The following FBXO10 variants were observed in gnomAD, a reference collection of about 807,000 sequenced individuals.
The protein encoded by FBXO10 is F-box protein 10, also known as F-box only protein 10.
FBXO10 carries 39 observed loss-of-function variants against 80.7 expected under a neutral mutation model. That is an observed-to-expected ratio of 0.48 (90% confidence interval 0.37 to 0.63). The LOEUF is 0.63. Ranked by LOEUF, FBXO10 falls within the 30% of genes least tolerant of loss-of-function variation. The probability of loss-of-function intolerance (pLI) is 0.00; values close to 1 mark genes in which losing one functional copy is unlikely to be tolerated. For missense variants in FBXO10, 1,025 were observed against 1,269.0 expected (o/e 0.81, Z 2.92); for synonymous variants, 449 against 489.6 (o/e 0.92, Z 1.09).
At position 37,525,368 on chromosome 9, in the gene FBXO10, C is replaced by G. The variant is rs113085540; in HGVS notation, c.1707-196G>C. ...GGATCACTTGAGCCTCCCTATGGCT[C>G]AAGTCCACAGGGGCATAAAAGCATT... On this transcript the variant is annotated intron_variant, in intron 5 of 10. Transcript: ENST00000432825. Among the ~76,000 whole-genome samples, 21 of 152,148 alleles carry G rather than the reference C, an allele frequency of 1.4e-4. 1 individual carries two copies. Among genetic ancestry groups the G allele is most frequent in the African/African-American group, 4.3e-4 (18 of 41,490 alleles).
At chr9:37,515,714 T>C (rs3739572) in intron 10 of FBXO10, 190 bp downstream of exon 10, 98,064 of 569,770 alleles carry the variant, frequency 0.17, 9,109 homozygotes, top group Admixed American at 0.24. Context: ...TTAAAAAGCT[T>C]GTTCCCTCCT....
Position 37,521,670 on chromosome 9 carries a change from T to G in FBXO10, c.2099A>C (p.Asp700Ala), listed in dbSNP as rs1236521485. The G allele has an allele frequency of 1.2e-6, 2 of 1,613,820 alleles. No individual in the cohort carries two copies. The highest frequency in any genetic ancestry group is 1.7e-6 in the Non-Finnish European group (2 of 1,179,852). The change falls in exon 8 of 11, where the codon GAC (aspartate) becomes GCC (alanine). Residue 700 changes from aspartate (D) to alanine (A), a missense_variant. By Grantham distance (126) the Asp-to-Ala change is moderately radical. This residue lies in a region of FBXO10 where 478 missense variants were observed against 667.8 expected (regional missense o/e 0.72). Coordinates refer to ENST00000432825, the MANE Select transcript of FBXO10 (RefSeq NM_012166.3). ...RAQENFSEDG[D>A]AILWETELEK... is the part of the protein sequence containing the mutation. Reference sequence around the variant, plus strand: ...CAGCTCTGTCTCCCAGAGGATGGCGTCCCCATCCTCGCTGAAGTTCTCTTG... The same window carrying G: ...CAGCTCTGTCTCCCAGAGGATGGCGGCCCCATCCTCGCTGAAGTTCTCTTG...
At chr9:37,539,306 T>G (rs1288057506) in intron 2 of FBXO10, among the ~76,000 whole-genome samples, 1 of 152,254 alleles carries the variant, frequency 6.6e-6, no homozygotes, top group Non-Finnish European at 1.5e-5. Flanking sequence ...GCAGAGCCAC[T>G]GCTAAGGTTC....
intron 1 of FBXO10, among the ~76,000 whole-genome samples, chr9:37,549,631 C>G (rs779769726): frequency 6.6e-6 from 1 of 152,110 alleles, no homozygotes; most frequent in African/African-American, 2.4e-5. Context: ...TCTGCTGGTT[C>G]CCCTCTATCT....
chr9:37,568,557 A>G (rs562376382), intron 1 of FBXO10, among the ~76,000 whole-genome samples: 12 of 152,330 alleles, frequency 7.9e-5, no homozygotes, highest in Admixed American at 5.9e-4. Flanking sequence ...TCTCAGGTAA[A>G]TTATTTACTC....
At chr9:37,555,529 C>T (rs1313437769) in intron 1 of FBXO10, among the ~76,000 whole-genome samples, 4 of 151,544 alleles carry the variant, frequency 2.6e-5, no homozygotes, top group African/African-American at 7.3e-5. Flanking sequence ...TACAGGCGCT[C>T]GCCACCATGC....
Position 37,537,834 on chromosome 9 carries a change from T to C in FBXO10, c.695A>G (p.His232Arg), listed in dbSNP as rs375383268. Residue 232 changes from histidine to arginine, a missense_variant, in exon 3 of 11, where the codon CAT (histidine) becomes CGT (arginine). Transcript: ENST00000432825. ...CAGGGGCACGTTGTGCAGGAAGATA[T>C]GGGTGTTTTTGAAGGTACAGAACTT... ...QVKFCTFKNT[H>R]IFLHNVPLCV... The C allele has an allele frequency of 1.9e-6, 3 of 1,613,766 alleles. No individual in the cohort carries two copies. The highest frequency in any genetic ancestry group is 2.2e-5 in the South Asian group (2 of 91,078).
chr9:37,523,871 C>T (rs1267950161), intron 6 of FBXO10, among the ~76,000 whole-genome samples: 4 of 152,296 alleles, frequency 2.6e-5, no homozygotes, highest in Non-Finnish European at 5.9e-5. Context: ...GAGCCGAGAT[C>T]GCGCCATTGC....
In FBXO10 at chr9:37,537,717, T is replaced by C. The variant is rs1821807394; in HGVS notation, c.812A>G (p.Lys271Arg). 1 of 1,614,016 alleles carries C rather than the reference T, an allele frequency of 6.2e-7. No individual in the cohort carries two copies. The highest frequency in any genetic ancestry group is 1.1e-5 in the South Asian group (1 of 91,080). Residue 271 changes from lysine to arginine, a missense_variant, in exon 3 of 11, where the codon AAG becomes AGG. Lys to Arg is a conservative substitution (Grantham distance 26). Around this residue, in one of 3 missense-constraint regions of FBXO10, gnomAD observed 450 missense variants for 499.4 expected, o/e 0.90. Transcript: ENST00000432825. ...HPSADKNWAY[K>R]YLLGLIKSSP... The stretch of plus-strand genomic sequence containing the variant: ...GGACTTGATAAGCCCTAGTAGATAC[T>C]TGTAGGCCCAGTTCTTATCTGCAGA...
At chr9:37,519,938 T>G (rs1443888212) in intron 8 of FBXO10, among the ~76,000 whole-genome samples, 2 of 152,172 alleles carry the variant, frequency 1.3e-5, no homozygotes, top group Non-Finnish European at 2.9e-5. Context: ...TCCTCCTACT[T>G]CAGCCTCCCT....
At chr9:37,560,578 C>T (rs1822452659) in intron 1 of FBXO10, among the ~76,000 whole-genome samples, 1 of 152,186 alleles carries the variant, frequency 6.6e-6, no homozygotes, top group South Asian at 2.1e-4. Context: ...TATCTTTACA[C>T]TAATCCATGG....
In FBXO10 at chr9:37,552,733, C is replaced by T. The variant is rs936366667; in HGVS notation, c.-6-10959G>A. Among the ~76,000 whole-genome samples, 5 of 149,892 alleles carry T rather than the reference C, an allele frequency of 3.3e-5. No homozygotes were observed. In the East Asian group the frequency reaches 9.8e-4, roughly 29 times the overall value. ...AAAAAGAACAGACATTTATTTTTCA[C>T]AGTTCTGGAGCCTGGGAAGTCCAAG... On this transcript the variant is annotated intron_variant, in intron 1 of 10. Coordinates refer to ENST00000432825, the MANE Select transcript of FBXO10 (RefSeq NM_012166.3).
At chr9:37,568,314 C>G (rs953342630) in intron 1 of FBXO10, among the ~76,000 whole-genome samples, 1 of 152,098 alleles carries the variant, frequency 6.6e-6, no homozygotes, top group African/African-American at 2.4e-5. Context: ...TCTCCTGCCT[C>G]AGCTTCTCGG....
At chr9:37,555,708 T>A (rs954667036) in intron 1 of FBXO10, among the ~76,000 whole-genome samples, 28 of 142,304 alleles carry the variant, frequency 2.0e-4, no homozygotes, top group South Asian at 4.4e-4. Context: ...TTGTTTTTTT[T>A]AATATATATT....
chr9:37,529,339 TCC>T, intron 4 of FBXO10, 79 bp from the exon 5 acceptor site: 1 of 1,489,674 alleles, frequency 6.7e-7, no homozygotes, highest in Non-Finnish European at 9.1e-7. Flanking sequence ...CGCCCACACC[TCC>T]GCGGCAGGAT....
At position 37,537,295 on chromosome 9, in the gene FBXO10, G is replaced by A. The variant is rs1258157930; in HGVS notation, c.1234C>T (p.Gln412Ter). ...GCCTCCTTATCCTTCTGCAGCTCCT[G>A]CTGCAGTGAGTTCAGCACTAGGCAG... ...PSCLVLNSLQ[Q>*]ELQKDKEAMA... The change falls in exon 3 of 11, where the codon CAG becomes TAG. Residue 412 changes from glutamine (Q) to a stop codon, truncating the protein, a stop_gained. Transcript: ENST00000432825. LOFTEE classifies it high-confidence loss of function. 13 of 1,613,098 alleles carry A rather than the reference G, an allele frequency of 8.1e-6. No individual in the cohort carries two copies. Among genetic ancestry groups the A allele is most frequent in the Non-Finnish European group, 1.1e-5 (13 of 1,179,500 alleles).
intron 1 of FBXO10, among the ~76,000 whole-genome samples, chr9:37,552,605 C>T (rs992992275): frequency 1.0e-4 from 15 of 150,430 alleles, no homozygotes; most frequent in African/African-American, 2.9e-4. Context: ...GGCAAGAGAC[C>T]GGCAGGAACC....
chr9:37,537,809 CAG>C lies in FBXO10; in HGVS notation c.718_719del (p.Leu240ValfsTer7), dbSNP rs763003607. On this transcript the variant is annotated frameshift_variant, in exon 3 of 11. Coordinates refer to ENST00000432825, the MANE Select transcript of FBXO10 (RefSeq NM_012166.3). LOFTEE classifies it high-confidence loss of function. Reference sequence around the variant, plus strand: ...CAAATTCACAGTTTTCCAGGACACACAGGGGCACGTTGTGCAGGAAGATATGG... The same window carrying C: ...CAAATTCACAGTTTTCCAGGACACACGGGCACGTTGTGCAGGAAGATATGG... ...NTHIFLHNVP[L>X]CVLENCEFVG... is the part of the protein sequence containing the mutation. 1 of 1,613,980 alleles carries C rather than the reference CAG, an allele frequency of 6.2e-7. No homozygotes were observed. Among genetic ancestry groups the C allele is most frequent in the South Asian group, 1.1e-5 (1 of 91,078 alleles).
intron 1 of FBXO10, among the ~76,000 whole-genome samples, chr9:37,546,386 C>T (rs1822056629): frequency 6.6e-6 from 1 of 152,010 alleles, no homozygotes; most frequent in East Asian, 1.9e-4. Context: ...GGGGCAGTTC[C>T]TAGGCTGAAG....
Sources: allele counts gnomAD v4.1 joint callset (sites outside exome capture counted in the v4.1 genomes callset), GRCh38; gene constraint gnomAD v4.1.1; regional missense constraint gnomAD v4.1.1; transcripts MANE v1.5; gene names NCBI Gene and HGNC (gene_info 2026-07-23, HGNC 2026-07-21).